EYS: variants seen among roughly 807,000 people sequenced by gnomAD.
The protein encoded by EYS is protein eyes shut homolog.
A neutral mutation model predicts 282.1 loss-of-function variants in EYS; 250 were observed. That is an observed-to-expected ratio of 0.89 (90% CI 0.80 to 0.98). The LOEUF is 0.98. EYS is among the 50% of genes least tolerant of loss of function. The pLI is 0.00. For missense variants in EYS, 4,016 were observed against 3,709.0 expected (o/e 1.08, Z -2.15); for synonymous variants, 1,355 against 1,282.9 (o/e 1.06, Z -1.20).
At chr6:64,288,882 A>AT (rs1768596694) in intron 30 of EYS, among the ~76,000 whole-genome samples, 2 of 152,058 alleles carry the variant, frequency 1.3e-5, no homozygotes, top group Non-Finnish European at 2.9e-5. Flanking sequence ...CCTTCTAAAG[A>AT]GCAGATGCAT....
In EYS at chr6:63,811,204, C is replaced by T. The variant is rs1014277955; in HGVS notation, c.7229-4832G>A. ...ACTGCATGTTTCTCTGCTCAACATACTATCAAGGGGCTTCTAGAGAGTTGT... is the reference window on the plus strand; with the variant it reads ...ACTGCATGTTTCTCTGCTCAACATATTATCAAGGGGCTTCTAGAGAGTTGT... On this transcript the variant is annotated intron_variant, in intron 36 of 42. Coordinates refer to ENST00000503581, the MANE Select transcript of EYS (RefSeq NM_001142800.2). Among the ~76,000 whole-genome samples, 3 of 152,216 alleles carry T rather than the reference C, an allele frequency of 2.0e-5. No homozygotes were observed. The South Asian group carries it at 6.2e-4, about 32-fold the overall frequency.
chr6:65,140,328 G>C (rs1764296953), intron 12 of EYS, among the ~76,000 whole-genome samples: 1 of 151,552 alleles, frequency 6.6e-6, no homozygotes, highest in South Asian at 2.1e-4. Flanking sequence ...TTGTTAAAAT[G>C]AATAATAGAA....
intron 13 of EYS, among the ~76,000 whole-genome samples, chr6:64,999,231 G>GA (rs1349854332): frequency 6.6e-6 from 1 of 152,126 alleles, no homozygotes; most frequent in African/African-American, 2.4e-5. Context: ...AAAGAAGATA[G>GA]AAAAAAATTA....
chr6:65,368,487 G>A (rs1419376025), intron 8 of EYS, among the ~76,000 whole-genome samples: 1 of 151,490 alleles, frequency 6.6e-6, no homozygotes, highest in Non-Finnish European at 1.5e-5. Flanking sequence ...ATTTAAGGTT[G>A]ACCAAAAATA....
In EYS at chr6:64,052,992, C is replaced by T. The variant is rs556423373; in HGVS notation, c.6725+13346G>A. 2.9e-3 allele frequency among the ~76,000 whole-genome samples: 438 copies of T among 152,182 alleles called. 2 individuals are homozygous for T. Among genetic ancestry groups the T allele is most frequent in the African/African-American group, 0.01 (420 of 41,534 alleles). On this transcript the variant is annotated intron_variant, in intron 33 of 42. Coordinates refer to ENST00000503581, the MANE Select transcript of EYS (RefSeq NM_001142800.2). The stretch of plus-strand genomic sequence containing the variant: ...GAACAGACTAATACATGGCTTTTTT[C>T]ATAATGGCAAATACATTAAAATTTT...
intron 22 of EYS, among the ~76,000 whole-genome samples, chr6:64,737,739 T>C (rs929913407): frequency 1.3e-5 from 2 of 152,188 alleles, no homozygotes; most frequent in Non-Finnish European, 2.9e-5. Context: ...ATCCACAACA[T>C]GCAGGAGTTC....
At chr6:64,014,503 T>C (rs1475801717) in intron 33 of EYS, among the ~76,000 whole-genome samples, 2 of 152,190 alleles carry the variant, frequency 1.3e-5, no homozygotes, top group Non-Finnish European at 2.9e-5. Flanking sequence ...ATTTATACTG[T>C]ATTATGTTTA....
At chr6:65,692,794 G>A (rs1769290771) in intron 1 of EYS, among the ~76,000 whole-genome samples, 1 of 149,910 alleles carries the variant, frequency 6.7e-6, no homozygotes, top group South Asian at 2.1e-4. Context: ...TTAAAAAAAG[G>A]TGGAAAGACA....
In EYS at chr6:64,809,590, G is replaced by A. The variant is rs1583180626; in HGVS notation, c.3443+3788C>T. 2.6e-5 allele frequency among the ~76,000 whole-genome samples: 4 copies of A among 152,050 alleles called. No individual in the cohort carries two copies. In the South Asian group the frequency reaches 6.2e-4, roughly 24 times the overall value. ...CCTACATGCCCATCAACAGCAGATC[G>A]ATAAAAGAAAATGTGGTACATATAC... On this transcript the variant is annotated intron_variant, in intron 22 of 42. Coordinates refer to ENST00000503581, the MANE Select transcript of EYS (RefSeq NM_001142800.2).
chr6:63,773,420 A>G (rs1043597198), intron 40 of EYS, among the ~76,000 whole-genome samples: 1 of 152,212 alleles, frequency 6.6e-6, no homozygotes, highest in African/African-American at 2.4e-5. Context: ...TAGCTTCACA[A>G]GAAACTCAGC....
chr6:64,164,489 T>C (rs555379852), intron 31 of EYS, among the ~76,000 whole-genome samples: 9 of 152,230 alleles, frequency 5.9e-5, no homozygotes, highest in Admixed American at 2.6e-4. Context: ...ATCGTACTGG[T>C]AATTCTATAG....
intron 26 of EYS, among the ~76,000 whole-genome samples, chr6:64,534,216 T>C (rs547534012): frequency 6.6e-6 from 1 of 152,026 alleles, no homozygotes; most frequent in East Asian, 1.9e-4. Context: ...TGCATACGAA[T>C]TTAGCATGAT....
intron 13 of EYS, among the ~76,000 whole-genome samples, chr6:65,012,950 G>A (rs1388769958): frequency 2.6e-5 from 4 of 151,314 alleles, no homozygotes; most frequent in Non-Finnish European, 4.4e-5. Flanking sequence ...ATAGAAACAA[G>A]ATCTTTTTCT....
intron 8 of EYS, among the ~76,000 whole-genome samples, chr6:65,383,217 A>T (rs1342131786): frequency 6.6e-6 from 1 of 152,030 alleles, no homozygotes; most frequent in Non-Finnish European, 1.5e-5. Context: ...CTTTATTTAT[A>T]GGGCATATTC....
intron 12 of EYS, among the ~76,000 whole-genome samples, chr6:65,221,840 C>T (rs1438632000): frequency 1.3e-5 from 2 of 152,188 alleles, no homozygotes; most frequent in East Asian, 3.9e-4. Context: ...AGAGGCAGAG[C>T]TGCCTGAGGC....
At chr6:64,632,013 GATA>G (rs1409035312) in intron 22 of EYS, among the ~76,000 whole-genome samples, 1 of 151,556 alleles carries the variant, frequency 6.6e-6, no homozygotes, top group Non-Finnish European at 1.5e-5. Flanking sequence ...GCTGGGCTTT[GATA>G]ATATAATTGA....
At chr6:65,411,543 T>C (rs1298753523) in intron 5 of EYS, among the ~76,000 whole-genome samples, 1 of 151,806 alleles carries the variant, frequency 6.6e-6, no homozygotes, top group Non-Finnish European at 1.5e-5. Context: ...CATGTGTAGA[T>C]TGAGGTAATC....
chr6:64,275,590 G>T (rs1768083431), intron 30 of EYS, among the ~76,000 whole-genome samples: 1 of 150,632 alleles, frequency 6.6e-6, no homozygotes, highest in Non-Finnish European at 1.5e-5. Context: ...CTAATTTTTT[G>T]TATTTTCAGT....
chr6:64,776,918 G>A (rs1478505103), intron 22 of EYS, among the ~76,000 whole-genome samples: 1 of 152,080 alleles, frequency 6.6e-6, no homozygotes, highest in Non-Finnish European at 1.5e-5. Flanking sequence ...CATGCCTGAG[G>A]CTAGGAAATT....
Sources: gnomAD v4.1 joint callset for allele counts (sites outside exome capture counted in the v4.1 genomes callset) on GRCh38, gnomAD v4.1.1 for gene constraint, MANE v1.5 for transcripts, NCBI Gene and HGNC (gene_info 2026-07-23, HGNC 2026-07-21) for gene names.